CPM: variants seen among roughly 807,000 people sequenced by gnomAD.
CPM encodes renal carboxypeptidase.
A neutral mutation model predicts 46.4 loss-of-function variants in CPM; 35 were observed. The ratio of observed to expected loss-of-function variants is 0.75; its 90% CI spans 0.58 to 1.00. CPM has a LOEUF of 1.00. Among genes scored for constraint, CPM ranks in the 50% least tolerant of loss-of-function variants. The probability of loss-of-function intolerance (pLI) is 0.00; values close to 1 mark genes in which losing one functional copy is unlikely to be tolerated. For synonymous variants in CPM, 195 were observed against 195.3 expected, an observed-to-expected ratio of 1.00 and a Z score of 0.01; for missense variants, 422 against 530.4, an observed-to-expected ratio of 0.80 and a Z score of 2.01.
intron 1 of CPM, among the ~76,000 whole-genome samples, chr12:68,954,502 C>T (rs2136336927): frequency 6.6e-6 from 1 of 152,272 alleles, no homozygotes; most frequent in Non-Finnish European, 1.5e-5. Flanking sequence ...CCTTTGCTGA[C>T]TTCTCTCCTT....
At chr12:68,843,979 A>T in intron 5 of CPM, 1 of 209,280 alleles carries the variant, frequency 4.8e-6, no homozygotes, top group Non-Finnish European at 9.7e-6. Context: ...GCTAGAACCA[A>T]GCAGAATCTG....
At chr12:68,871,397 G>GA (rs1885687790) in intron 4 of CPM, among the ~76,000 whole-genome samples, 1 of 152,176 alleles carries the variant, frequency 6.6e-6, no homozygotes, top group Non-Finnish European at 1.5e-5. Context: ...TTTATCAGGG[G>GA]ATCTAGTGTA....
At chr12:68,904,134 C>A (rs1292164801) in intron 2 of CPM, among the ~76,000 whole-genome samples, 2 of 152,182 alleles carry the variant, frequency 1.3e-5, no homozygotes, top group Non-Finnish European at 2.9e-5. Flanking sequence ...ACCGCCTTGG[C>A]CCCTGAAAGC....
rs148946130 is a variant in CPM, at chr12:68,944,402, G to A, written c.-3-11562C>T. Among the ~76,000 whole-genome samples, 7 of 152,168 alleles carry A rather than the reference G, an allele frequency of 4.6e-5. No individual in the cohort carries two copies. The East Asian group carries it at 9.7e-4, about 21-fold the overall frequency. On this transcript the variant is annotated intron_variant, in intron 1 of 8. Coordinates refer to the CPM transcript ENST00000546373. Reference sequence around the variant, plus strand: ...ATATTATGAGACATACTATCAGAACGTACTTACTTTTTTTCTTTTTAGACA... The same window carrying A: ...ATATTATGAGACATACTATCAGAACATACTTACTTTTTTTCTTTTTAGACA...
At chr12:68,890,822 A>G (rs563741938) in intron 2 of CPM, among the ~76,000 whole-genome samples, 12 of 152,348 alleles carry the variant, frequency 7.9e-5, no homozygotes, top group African/African-American at 2.6e-4. Flanking sequence ...GAGAGTCTCA[A>G]TGGGACATGC....
At chr12:68,926,131 G>A (rs1031608208) in intron 2 of CPM, among the ~76,000 whole-genome samples, 6 of 151,878 alleles carry the variant, frequency 4.0e-5, no homozygotes, top group Admixed American at 6.6e-5. Context: ...TTGCCCCAGC[G>A]GGTCTCAAAC....
rs138220854 is a variant in CPM at position 68,909,478 on chromosome 12, T to C, written c.160+23200A>G. 1.6e-3 allele frequency among the ~76,000 whole-genome samples: 246 copies of C among 152,248 alleles called. No homozygotes were observed. In the Middle Eastern group the frequency reaches 0.02, roughly 13 times the overall value. Reference sequence around the variant, plus strand: ...TGGGAGTGTAAATAATACATCCTCTTGTAGGTTAATCTGTCAGTATCCATC... The same window carrying C: ...TGGGAGTGTAAATAATACATCCTCTCGTAGGTTAATCTGTCAGTATCCATC... On this transcript the variant is annotated intron_variant, in intron 2 of 8. Transcript: ENST00000551568.
intron 7 of CPM, among the ~76,000 whole-genome samples, chr12:68,863,436 G>A (rs1174103647): frequency 1.3e-5 from 2 of 152,202 alleles, no homozygotes; most frequent in Middle Eastern, 3.4e-3. Context: ...AATGTCTGCC[G>A]ACACCCTCAT....
chr12:68,951,941 A>T (rs1393825650), intron 1 of CPM, among the ~76,000 whole-genome samples: 2 of 152,246 alleles, frequency 1.3e-5, no homozygotes, highest in Non-Finnish European at 2.9e-5. Context: ...AGTGAAGGCC[A>T]TGGGAAACCA....
intron 2 of CPM, among the ~76,000 whole-genome samples, chr12:68,912,395 T>C (rs1016175901): frequency 1.3e-5 from 2 of 152,202 alleles, no homozygotes; most frequent in African/African-American, 4.8e-5. Flanking sequence ...TCAATTTCAA[T>C]ACCTGATACC....
intron 5 of CPM, chr12:68,843,095 T>G: frequency 9.7e-6 from 2 of 206,602 alleles, no homozygotes; most frequent in Non-Finnish European, 2.0e-5. Context: ...TTGTGTGGGT[T>G]TTTTTTTTTT....
intron 1 of CPM, among the ~76,000 whole-genome samples, chr12:68,956,123 G>A (rs1056420945): frequency 6.6e-6 from 1 of 152,218 alleles, no homozygotes; most frequent in African/African-American, 2.4e-5. Flanking sequence ...AAAGTGTGGA[G>A]GGGTCCTAGG....
At chr12:68,845,980 G>A (rs1351168797) in intron 5 of CPM, 1 of 148,318 alleles carries the variant, frequency 6.7e-6, no homozygotes, top group Non-Finnish European at 1.5e-5. Flanking sequence ...CTGAGACAGA[G>A]TCTTGCTCTT....
chr12:68,858,674 T>TAGGATTTGG (rs1885075646), intron 8 of CPM, among the ~76,000 whole-genome samples: 1 of 151,946 alleles, frequency 6.6e-6, no homozygotes, highest in African/African-American at 2.4e-5. Flanking sequence ...TCACAAGAGA[T>TAGGATTTGG]AGGATTTGGC....
chr12:68,849,861 C>T (rs1884582701), downstream of CPM: 1 of 152,418 alleles, frequency 6.6e-6, no homozygotes, highest in Non-Finnish European at 1.5e-5. Context: ...GATCCAGTCG[C>T]CTCGGCCTCC....
At chr12:68,950,283 C>T (rs560514542) in intron 1 of CPM, among the ~76,000 whole-genome samples, 11 of 152,122 alleles carry the variant, frequency 7.2e-5, no homozygotes, top group East Asian at 1.9e-4. Flanking sequence ...TCGCCCAATG[C>T]GCGCCAACAG....
At chr12:68,886,489 G>A (rs189429088) in intron 2 of CPM, among the ~76,000 whole-genome samples, 1,522 of 152,104 alleles carry the variant, frequency 0.01, 15 homozygotes, top group South Asian at 0.038. Flanking sequence ...AAAATTAGCC[G>A]GGCGTGGTGG....
At chr12:68,896,794 T>C (rs1886891193) in intron 2 of CPM, among the ~76,000 whole-genome samples, 3 of 152,136 alleles carry the variant, frequency 2.0e-5, no homozygotes, top group African/African-American at 7.2e-5. Context: ...GTATTAAAGT[T>C]TTGATATTAT....
At chr12:68,894,060 C>T (rs1246745923) in intron 2 of CPM, among the ~76,000 whole-genome samples, 5 of 152,186 alleles carry the variant, frequency 3.3e-5, no homozygotes, top group African/African-American at 4.8e-5. Context: ...CCAGTCTTCA[C>T]AGCTGTCTTG....
Sources: allele counts gnomAD v4.1 joint callset (sites outside exome capture counted in the v4.1 genomes callset), GRCh38; gene constraint gnomAD v4.1.1; transcripts MANE v1.5; gene names NCBI Gene and HGNC (gene_info 2026-07-23, HGNC 2026-07-21).